COBL: variants seen among roughly 807,000 people sequenced by gnomAD.
The protein encoded by COBL is cordon-bleu WH2 repeat protein.
Under a neutral mutation model 98.8 loss-of-function variants are expected in COBL, and 51 were observed. The ratio of observed to expected loss-of-function variants is 0.52; its 90% confidence interval spans 0.41 to 0.65. The LOEUF is 0.65. Among genes scored for constraint, COBL ranks in the 30% least tolerant of loss-of-function variants. The probability of loss-of-function intolerance (pLI) is 0.00; values close to 1 mark genes in which losing one functional copy is unlikely to be tolerated. For missense variants in COBL, 1,617 were observed against 1,617.5 expected (o/e 1.00, Z 0.01); for synonymous variants, 634 against 651.7 (o/e 0.97, Z 0.41).
intron 5 of COBL, among the ~76,000 whole-genome samples, chr7:51,162,059 C>T (rs963175244): frequency 6.6e-6 from 1 of 152,158 alleles, no homozygotes; most frequent in African/African-American, 2.4e-5. Flanking sequence ...AACAGAGACC[C>T]GAGAGCTAAC....
intron 2 of COBL, among the ~76,000 whole-genome samples, chr7:51,205,381 C>A (rs554286609): frequency 1.5e-4 from 23 of 152,196 alleles, no homozygotes; most frequent in African/African-American, 4.8e-4. Flanking sequence ...GTCAGCAGAT[C>A]TTTGCCAAGG....
chr7:51,102,307 G>GA (rs1795880435), intron 6 of COBL, among the ~76,000 whole-genome samples: 1 of 152,076 alleles, frequency 6.6e-6, no homozygotes, highest in Admixed American at 6.5e-5. Context: ...GGTCATTTTT[G>GA]GAAGCATTTG....
intron 1 of COBL, among the ~76,000 whole-genome samples, chr7:51,285,529 T>C (rs569727793): frequency 6.6e-6 from 1 of 152,294 alleles, no homozygotes; most frequent in Non-Finnish European, 1.5e-5. Flanking sequence ...TTTACAAACA[T>C]CTACCAAAAA....
At chr7:51,124,863 T>C (rs1240924898) in intron 6 of COBL, among the ~76,000 whole-genome samples, 2 of 152,184 alleles carry the variant, frequency 1.3e-5, no homozygotes, top group Admixed American at 6.5e-5. Flanking sequence ...CTCTATTGCC[T>C]AGGCTAGAGT....
chr7:51,044,010 T>C (rs1253919723), intron 7 of COBL, among the ~76,000 whole-genome samples: 1 of 152,198 alleles, frequency 6.6e-6, no homozygotes, highest in Admixed American at 6.5e-5. Context: ...TTGAATGCAA[T>C]TGTTTCTAGG....
chr7:51,205,617 T>C (rs1056543644), intron 2 of COBL, among the ~76,000 whole-genome samples: 4 of 149,778 alleles, frequency 2.7e-5, no homozygotes, highest in Non-Finnish European at 5.9e-5. Context: ...GGCAGTTTTT[T>C]GTTTGTTTGT....
chr7:51,214,272 A>AAAATAAATAAATAAAT (rs34766805), intron 2 of COBL, among the ~76,000 whole-genome samples: 135 of 140,274 alleles, frequency 9.6e-4, no homozygotes, highest in African/African-American at 3.1e-3. Flanking sequence ...TCATCTATTA[A>AAAATAAATAAATAAAT]AAATAAATAA....
At chr7:51,115,225 CAGAA>C (rs1447899523) in intron 6 of COBL, among the ~76,000 whole-genome samples, 24 of 152,194 alleles carry the variant, frequency 1.6e-4, no homozygotes, top group Admixed American at 3.3e-4. Context: ...ATGTGAAAGA[CAGAA>C]AGAGCTCTGA....
intron 5 of COBL, among the ~76,000 whole-genome samples, chr7:51,179,797 A>T (rs1282097273): frequency 6.6e-6 from 1 of 152,184 alleles, no homozygotes; most frequent in Non-Finnish European, 1.5e-5. Context: ...ATCTAATTTC[A>T]AACCTGATGA....
intron 6 of COBL, 122 bp from the exon 7 acceptor site, chr7:51,085,426 G>A: frequency 8.8e-7 from 1 of 1,134,378 alleles, no homozygotes; most frequent in South Asian, 1.5e-5. Context: ...TGCTCCAGGA[G>A]GGTTGTTAGA....
intron 5 of COBL, among the ~76,000 whole-genome samples, chr7:51,163,135 A>G (rs2164739): frequency 0.13 from 19,509 of 152,240 alleles, 1,785 homozygotes; most frequent in African/African-American, 0.26. Flanking sequence ...TCAAAGCAGC[A>G]AAAGGATGAT....
chr7:51,309,244 G>A (rs1426405684), intron 1 of COBL, among the ~76,000 whole-genome samples: 1 of 152,146 alleles, frequency 6.6e-6, no homozygotes, highest in African/African-American at 2.4e-5. Context: ...ATGGCTGGCA[G>A]GTGGAGCACG....
chr7:51,112,310 T>A (rs2128978887), intron 6 of COBL, among the ~76,000 whole-genome samples: 1 of 152,350 alleles, frequency 6.6e-6, no homozygotes, highest in African/African-American at 2.4e-5. Flanking sequence ...ATTATTTTTA[T>A]TTTTTGCCCT....
chr7:51,051,376 C>T (rs1343189166), intron 7 of COBL, among the ~76,000 whole-genome samples: 1 of 152,116 alleles, frequency 6.6e-6, no homozygotes, highest in Non-Finnish European at 1.5e-5. Context: ...TATTTAATTT[C>T]CAAGAATGTT....
intron 2 of COBL, among the ~76,000 whole-genome samples, chr7:51,217,864 C>A (rs1449452895): frequency 6.6e-6 from 1 of 152,198 alleles, no homozygotes; most frequent in Non-Finnish European, 1.5e-5. Context: ...CACAGAAACT[C>A]CTGTCTCTCC....
chr7:51,179,979 T>A (rs1156929143), intron 5 of COBL, among the ~76,000 whole-genome samples: 3 of 152,238 alleles, frequency 2.0e-5, no homozygotes, highest in Non-Finnish European at 4.4e-5. Flanking sequence ...GAGCTATTTA[T>A]AGCTTACAGC....
chr7:51,168,572 C>A (rs903059548), intron 5 of COBL, among the ~76,000 whole-genome samples: 1 of 152,140 alleles, frequency 6.6e-6, no homozygotes, highest in Non-Finnish European at 1.5e-5. Context: ...ATGAGATATC[C>A]TTTCACCTCA....
chr7:51,283,673 C>CG lies in COBL; in HGVS notation c.41+32919dup, dbSNP rs575061198. On this transcript the variant is annotated intron_variant, in intron 1 of 12. Coordinates refer to ENST00000265136, the MANE Select transcript of COBL (RefSeq NM_015198.5). ...CTAATTTTTGTATTTTTAGTAGAGACGGGGTTTCACCATGTTGGTCAGGCT... is the reference window on the plus strand; with the variant it reads ...CTAATTTTTGTATTTTTAGTAGAGACGGGGGTTTCACCATGTTGGTCAGGCT... Among the ~76,000 whole-genome samples, 254 of 152,034 alleles carry CG rather than the reference C, an allele frequency of 1.7e-3. 2 individuals carry two copies. The highest frequency in any genetic ancestry group is 5.9e-3 in the African/African-American group (245 of 41,454).
At chr7:51,180,928 T>C (rs1346414769) in intron 5 of COBL, among the ~76,000 whole-genome samples, 1 of 152,214 alleles carries the variant, frequency 6.6e-6, no homozygotes, top group Non-Finnish European at 1.5e-5. Flanking sequence ...ATACTATATA[T>C]TGCTTGTGGT....
Sources: allele counts gnomAD v4.1 joint callset (sites outside exome capture counted in the v4.1 genomes callset), GRCh38; gene constraint gnomAD v4.1.1; transcripts MANE v1.5; gene names NCBI Gene and HGNC (gene_info 2026-07-23, HGNC 2026-07-21).